The following CEP63 variants were observed in gnomAD, a reference collection of about 807,000 sequenced individuals.
CEP63 encodes the protein centrosomal protein 63.
In CEP63, 84 loss-of-function variants were observed where a neutral mutation model predicts 89.1. That is an observed-to-expected ratio of 0.94 (90% confidence interval 0.79 to 1.13). The LOEUF is 1.13. CEP63 is among the 50% of genes most tolerant of loss of function. The pLI is 0.00. For synonymous variants in CEP63, 267 were observed against 272.5 expected (o/e 0.98, Z 0.20); for missense variants, 838 against 813.3 (o/e 1.03, Z -0.37).
chr3:134,739,208 T>C, the CEP63 span, among the ~76,000 whole-genome samples: 1 of 152,322 alleles, frequency 6.6e-6, no homozygotes, highest in Admixed American at 6.5e-5. Flanking sequence ...AGCAGTATTA[T>C]TGATAGTGGC....
chr3:134,505,437 T>C (rs2108368576), intron 2 of CEP63, among the ~76,000 whole-genome samples: 1 of 152,330 alleles, frequency 6.6e-6, no homozygotes, highest in East Asian at 1.9e-4. Flanking sequence ...CAGTGGAGGC[T>C]ATAGCAAGGC....
the CEP63 span, among the ~76,000 whole-genome samples, chr3:134,734,669 A>G: frequency 1.3e-5 from 2 of 152,226 alleles, no homozygotes; most frequent in African/African-American, 4.8e-5. Context: ...AAGAAGAAAC[A>G]GAAAATCAAA....
intron 2 of CEP63, among the ~76,000 whole-genome samples, chr3:134,506,022 G>A (rs1282343271): frequency 6.6e-6 from 1 of 152,192 alleles, no homozygotes; most frequent in Admixed American, 6.5e-5. Flanking sequence ...GCAGTGTGAA[G>A]CTAGTTGTTT....
the CEP63 span, among the ~76,000 whole-genome samples, chr3:134,764,179 A>T: frequency 6.6e-6 from 1 of 152,212 alleles, no homozygotes; most frequent in Non-Finnish European, 1.5e-5. Context: ...ATGAGTCCTC[A>T]CATTCCTAGT....
At chr3:134,509,182 A>G (rs1944257780) in intron 3 of CEP63, among the ~76,000 whole-genome samples, 2 of 152,202 alleles carry the variant, frequency 1.3e-5, no homozygotes, top group Non-Finnish European at 2.9e-5. Context: ...TTCTGTAGAA[A>G]CATAGTTGCT....
the CEP63 span, chr3:134,650,804 C>T: frequency 1.3e-6 from 2 of 1,553,660 alleles, no homozygotes; most frequent in South Asian, 1.2e-5. Flanking sequence ...GACCCGGGGA[C>T]CCGGGTCGGG....
At chr3:134,577,974 A>G (rs1204838876), downstream of CEP63, among the ~76,000 whole-genome samples, 1 of 152,174 alleles carries the variant, frequency 6.6e-6, no homozygotes, top group Non-Finnish European at 1.5e-5. Flanking sequence ...ATGGCTGCAT[A>G]GTATTCCATG....
At chr3:134,577,259 A>G (rs1266109820), downstream of CEP63, among the ~76,000 whole-genome samples, 1 of 152,132 alleles carries the variant, frequency 6.6e-6, no homozygotes, top group Admixed American at 6.5e-5. Flanking sequence ...TAGGAAAAAA[A>G]AAATAGGAGA....
chr3:134,503,050 C>A (rs1028620362), intron 2 of CEP63, among the ~76,000 whole-genome samples: 3 of 130,110 alleles, frequency 2.3e-5, no homozygotes, highest in African/African-American at 8.5e-5. Context: ...TCCTGGTATT[C>A]TTATTTTTAT....
At chr3:134,531,809 T>C in intron 3 of CEP63, 36 bp from the exon 4 acceptor site, 1 of 1,377,268 alleles carries the variant, frequency 7.3e-7, no homozygotes, top group Non-Finnish European at 1.0e-6. Flanking sequence ...ATTTCAATGC[T>C]AATAGTGAAA....
At chr3:134,603,456 C>T in the CEP63 span, 1 of 835,660 alleles carries the variant, frequency 1.2e-6, no homozygotes. Context: ...GACACTGAGG[C>T]AGAGGCCTAG....
downstream of CEP63, among the ~76,000 whole-genome samples, chr3:134,565,302 G>GA (rs1417952636): frequency 6.6e-6 from 1 of 152,118 alleles, no homozygotes; most frequent in African/African-American, 2.4e-5. Flanking sequence ...AACAAGTGTA[G>GA]AAAAAATACT....
downstream of CEP63, among the ~76,000 whole-genome samples, chr3:134,578,974 TC>T (rs1958282836): frequency 1.3e-5 from 2 of 152,046 alleles, no homozygotes; most frequent in Non-Finnish European, 2.9e-5. Flanking sequence ...GCTAGGCTGG[TC>T]TCGAACTTCT....
the CEP63 span, among the ~76,000 whole-genome samples, chr3:134,643,829 CT>C: frequency 6.2e-4 from 88 of 143,006 alleles, no homozygotes; most frequent in East Asian, 8.4e-4. Context: ...TCTCCTGCTT[CT>C]TTTTTTTTTT....
At chr3:134,617,380 T>C in the CEP63 span, among the ~76,000 whole-genome samples, 3 of 152,174 alleles carry the variant, frequency 2.0e-5, no homozygotes, top group South Asian at 2.1e-4. Context: ...TTTCTATATA[T>C]GTCTATTGAG....
intron 5 of CEP63, chr3:134,535,510 T>TTTG (rs1950605160): frequency 6.6e-6 from 1 of 151,642 alleles, no homozygotes; most frequent in South Asian, 2.1e-4. Flanking sequence ...CTTTTTTTTT[T>TTTG]TCCTATCTAC....
the CEP63 span, among the ~76,000 whole-genome samples, chr3:134,780,936 C>A: frequency 6.6e-6 from 1 of 152,066 alleles, no homozygotes; most frequent in Non-Finnish European, 1.5e-5. Context: ...GGTTTTCAGT[C>A]CACCTGGAAT....
the CEP63 span, among the ~76,000 whole-genome samples, chr3:134,716,558 C>A: frequency 1.3e-5 from 2 of 152,252 alleles, no homozygotes; most frequent in East Asian, 3.9e-4. Context: ...GTCTAGTCTG[C>A]CATACATCCA....
downstream of CEP63, among the ~76,000 whole-genome samples, chr3:134,567,266 G>T (rs926490523): frequency 6.6e-6 from 1 of 150,854 alleles, no homozygotes; most frequent in Non-Finnish European, 1.5e-5. Context: ...GCGGCGGAAG[G>T]TTGGGGTGGG....
Sources: gnomAD v4.1 joint callset for allele counts (sites outside exome capture counted in the v4.1 genomes callset) on GRCh38, gnomAD v4.1.1 for gene constraint, MANE v1.5 for transcripts, NCBI Gene and HGNC (gene_info 2026-07-23, HGNC 2026-07-21) for gene names.